The following DPP10 variants were observed in gnomAD, a reference collection of about 807,000 sequenced individuals.
DPP10 encodes inactive dipeptidyl peptidase 10.
In DPP10, 33 loss-of-function variants were observed where a neutral mutation model predicts 120.9. The ratio of observed to expected loss-of-function variants is 0.27; its 90% CI spans 0.21 to 0.37. The LOEUF (loss-of-function observed/expected upper bound fraction) is 0.37, where lower values mean the gene tolerates loss of function less well. Among genes scored for constraint, DPP10 ranks in the 10% least tolerant of loss-of-function variants. DPP10 has a pLI of 1.00. For synonymous variants in DPP10, 337 were observed against 326.1 expected (o/e 1.03, Z -0.36); for missense variants, 816 against 942.8 (o/e 0.87, Z 1.76).
intron 4 of DPP10, among the ~76,000 whole-genome samples, chr2:115,499,904 A>G (rs990993697): frequency 6.6e-6 from 1 of 152,064 alleles, no homozygotes; most frequent in African/African-American, 2.4e-5. Context: ...TACAAATACC[A>G]AGGTTAAAAA....
intron 1 of DPP10, among the ~76,000 whole-genome samples, chr2:115,187,232 T>G (rs2054527807): frequency 6.6e-6 from 1 of 150,404 alleles, no homozygotes; most frequent in Non-Finnish European, 1.5e-5. Flanking sequence ...GAGACGGGGT[T>G]TCACCTTGTT....
chr2:115,119,552 T>C (rs2049714468), intron 1 of DPP10, among the ~76,000 whole-genome samples: 1 of 152,184 alleles, frequency 6.6e-6, no homozygotes, highest in Non-Finnish European at 1.5e-5. Flanking sequence ...TTTGGTATAA[T>C]GGATGAAAGT....
At chr2:115,700,393 T>TAA (rs940894671) in intron 7 of DPP10, among the ~76,000 whole-genome samples, 14 of 150,400 alleles carry the variant, frequency 9.3e-5, no homozygotes, top group African/African-American at 2.9e-4. Context: ...CTTATATGAC[T>TAA]AAAAAAAAAC....
chr2:114,976,963 G>A (rs1011204032), intron 1 of DPP10, among the ~76,000 whole-genome samples: 6 of 151,728 alleles, frequency 4.0e-5, no homozygotes, highest in Admixed American at 6.6e-5. Flanking sequence ...TTGTTCTCTC[G>A]GTCTTTTTCT....
chr2:115,686,345 A>C (rs1232040124), intron 5 of DPP10, among the ~76,000 whole-genome samples: 2 of 151,964 alleles, frequency 1.3e-5, no homozygotes, highest in Non-Finnish European at 2.9e-5. Flanking sequence ...CTATGAGTTC[A>C]ATGTTAATGA....
rs73946169 is a variant in DPP10 at position 114,486,853 on chromosome 2, A to G, written c.60+44015A>G. Among the ~76,000 whole-genome samples the G allele has an allele frequency of 6.0e-3, 917 of 152,300 alleles. 53 individuals carry two copies. In the East Asian group the frequency reaches 0.13, roughly 22 times the overall value. On this transcript the variant is annotated intron_variant, in intron 1 of 25. Transcript: ENST00000410059. ...GTTAAAAATTTTCTTTCAGAATTCA[A>G]ATAAAATGCTGGTTTAACATAACCA...
At chr2:115,201,770 T>C (rs898890347) in intron 1 of DPP10, among the ~76,000 whole-genome samples, 1 of 152,060 alleles carries the variant, frequency 6.6e-6, no homozygotes, top group Non-Finnish European at 1.5e-5. Context: ...AGTGGAGCAG[T>C]AAGAGAGTGA....
At chr2:115,803,545 G>A (rs1032283076) in intron 19 of DPP10, among the ~76,000 whole-genome samples, 1 of 152,126 alleles carries the variant, frequency 6.6e-6, no homozygotes, top group Admixed American at 6.5e-5. Context: ...TTTACAATTT[G>A]GCATGTTTTT....
intron 1 of DPP10, among the ~76,000 whole-genome samples, chr2:114,606,864 G>A (rs191398778): frequency 6.6e-6 from 1 of 152,310 alleles, no homozygotes. Flanking sequence ...GAGACTTAGT[G>A]TGGTTAAGCA....
chr2:114,923,472 C>CTTTT (rs71394115), intron 1 of DPP10, among the ~76,000 whole-genome samples: 9 of 69,420 alleles, frequency 1.3e-4, no homozygotes, highest in Admixed American at 2.0e-4. Flanking sequence ...GCCTTTTTTC[C>CTTTT]TTTTTTTTTT....
intron 1 of DPP10, among the ~76,000 whole-genome samples, chr2:114,737,107 A>C (rs1220483112): frequency 1.3e-5 from 2 of 152,190 alleles, no homozygotes; most frequent in Non-Finnish European, 2.9e-5. Flanking sequence ...AATTGAAAAA[A>C]CAAACAAAAG....
At position 115,792,744 on chromosome 2, in the gene DPP10, C is replaced by T. The variant is rs537069262; in HGVS notation, c.1700+1388C>T. Among the ~76,000 whole-genome samples the T allele has an allele frequency of 4.6e-5, 7 of 152,152 alleles. No homozygotes were observed. The East Asian group carries it at 1.4e-3, about 29-fold the overall frequency. ...GACAAAAAGAAAGCAAAAATCAAACCCATCTTCTATCTCAGTCACGTCTCC... is the reference window on the plus strand; with the variant it reads ...GACAAAAAGAAAGCAAAAATCAAACTCATCTTCTATCTCAGTCACGTCTCC... On this transcript the variant is annotated intron_variant, in intron 19 of 25. Transcript: ENST00000410059.
intron 1 of DPP10, among the ~76,000 whole-genome samples, chr2:114,816,568 G>T (rs1420950691): frequency 6.6e-6 from 1 of 152,084 alleles, no homozygotes; most frequent in African/African-American, 2.4e-5. Flanking sequence ...TCTCTTGATT[G>T]TGTTGCTCCG....
rs550527336 is a variant in DPP10, at chr2:115,797,495, T to C, written c.1700+6139T>C. 3.9e-5 allele frequency among the ~76,000 whole-genome samples: 6 copies of C among 152,176 alleles called. No homozygotes were observed. In the East Asian group the frequency reaches 1.2e-3, roughly 29 times the overall value. On this transcript the variant is annotated intron_variant, in intron 19 of 25. Transcript: ENST00000410059. ...TCTGATGTGGGTGAAAGAGATAGCTTGTTGATATTAATGTTTGTCTCAAAG... is the reference window on the plus strand; with the variant it reads ...TCTGATGTGGGTGAAAGAGATAGCTCGTTGATATTAATGTTTGTCTCAAAG...
Position 114,953,608 on chromosome 2 carries a change from C to CT in DPP10, c.61-355629dup, listed in dbSNP as rs566507435. Reference sequence around the variant, plus strand: ...GTCTCCACGTGCCTACTCCCATTAACTTATAAAGATGAGTATCCTGTTACA... The same window carrying CT: ...GTCTCCACGTGCCTACTCCCATTAACTTTATAAAGATGAGTATCCTGTTACA... On this transcript the variant is annotated intron_variant, in intron 1 of 25. Coordinates refer to ENST00000410059, the MANE Select transcript of DPP10 (RefSeq NM_020868.6). Among the ~76,000 whole-genome samples, 123 of 152,120 alleles carry CT rather than the reference C, an allele frequency of 8.1e-4. 1 individual carries two copies. Among genetic ancestry groups the CT allele is most frequent in the African/African-American group, 2.9e-3 (120 of 41,524 alleles).
chr2:114,562,259 T>A lies in DPP10; in HGVS notation c.60+119421T>A, dbSNP rs180694538. ...AGAATAAACCTCTAAATCTTTAGACTTTTATGAAGAACACTTACCATCATT... is the reference window on the plus strand; with the variant it reads ...AGAATAAACCTCTAAATCTTTAGACATTTATGAAGAACACTTACCATCATT... On this transcript the variant is annotated intron_variant, in intron 1 of 25. Transcript: ENST00000410059. Among the ~76,000 whole-genome samples the A allele has an allele frequency of 4.1e-3, 618 of 152,364 alleles. 5 individuals are homozygous for A. Among genetic ancestry groups the A allele is most frequent in the African/African-American group, 0.014 (600 of 41,596 alleles).
intron 1 of DPP10, among the ~76,000 whole-genome samples, chr2:114,632,905 C>T (rs1488160097): frequency 6.6e-6 from 1 of 152,102 alleles, no homozygotes; most frequent in Non-Finnish European, 1.5e-5. Context: ...AGGAATGTTC[C>T]TTCAGGCTGG....
At chr2:114,444,938 G>A (rs1253877864) in intron 1 of DPP10, among the ~76,000 whole-genome samples, 1 of 152,112 alleles carries the variant, frequency 6.6e-6, no homozygotes, top group African/African-American at 2.4e-5. Context: ...GGGATGAGTG[G>A]AAAATCTCTC....
intron 13 of DPP10, among the ~76,000 whole-genome samples, chr2:115,771,542 C>G (rs1353799028): frequency 6.6e-6 from 1 of 152,244 alleles, no homozygotes; most frequent in East Asian, 1.9e-4. Flanking sequence ...TATATCCATA[C>G]GAATGTATTT....
Sources: allele counts gnomAD v4.1 joint callset (sites outside exome capture counted in the v4.1 genomes callset), GRCh38; gene constraint gnomAD v4.1.1; transcripts MANE v1.5; gene names NCBI Gene and HGNC (gene_info 2026-07-23, HGNC 2026-07-21).